The following AHSA1 variants were observed in gnomAD, a reference collection of about 807,000 sequenced individuals.
AHSA1 encodes activator of HSP90 ATPase activity 1.
AHSA1 carries 14 observed loss-of-function variants against 46.1 expected under a neutral mutation model. The ratio of observed to expected loss-of-function variants is 0.30; its 90% confidence interval spans 0.20 to 0.47. The LOEUF is 0.47. AHSA1 is among the 20% of genes least tolerant of loss of function. The pLI, the probability that AHSA1 is intolerant of heterozygous loss-of-function variation, is 0.99. For synonymous variants in AHSA1, 147 were observed against 145.8 expected (o/e 1.01, Z -0.06); for missense variants, 333 against 415.9 (o/e 0.80, Z 1.73).
At chr14:77,458,494 A>T (rs1165014908) in intron 1 of AHSA1, among the ~76,000 whole-genome samples, 1 of 152,176 alleles carries the variant, frequency 6.6e-6, no homozygotes, top group Non-Finnish European at 1.5e-5. Flanking sequence ...GCTGCGCCCC[A>T]GAGGAGGGTT....
At chr14:77,467,244 C>T (rs1344503428) in intron 6 of AHSA1, among the ~76,000 whole-genome samples, 2 of 151,564 alleles carry the variant, frequency 1.3e-5, no homozygotes, top group Non-Finnish European at 2.9e-5. Context: ...ACAAAAAATA[C>T]AAAAATTAGC....
chr14:77,462,827 C>A (rs1450671288), intron 4 of AHSA1, 68 bp downstream of exon 4: 23 of 1,328,732 alleles, frequency 1.7e-5, no homozygotes, highest in Non-Finnish European at 2.3e-5. Context: ...GGTTAAGGGC[C>A]TGGACAGTCC....
chr14:77,468,407 T>C (rs960278976), intron 7 of AHSA1, 50 bp from the exon 8 acceptor site: 15 of 1,528,556 alleles, frequency 9.8e-6, no homozygotes, highest in African/African-American at 1.4e-5. Context: ...CTAGCTAGGA[T>C]TGGGTACATT....
At chr14:77,466,638 C>T (rs1272130473) in intron 6 of AHSA1, among the ~76,000 whole-genome samples, 1 of 152,206 alleles carries the variant, frequency 6.6e-6, no homozygotes, top group Non-Finnish European at 1.5e-5. Context: ...GTTCTCTCCC[C>T]CTTAGAAAAC....
Position 77,468,098 on chromosome 14 carries a change from ACC to A in AHSA1, c.708_709del (p.His237CysfsTer26). ...TTCCCTGCAGCTGGTGCAGGCCTTT[ACC>A]CATGCTCCTGCAACATTAGAAGCAG... ...FTTQELVQAF[T>X]HAPATLEADR... On this transcript the variant is annotated frameshift_variant, in exon 7 of 9. Transcript: ENST00000216479. LOFTEE classifies it high-confidence loss of function. The A allele has an allele frequency of 7.0e-7, 1 of 1,421,612 alleles. No homozygotes were observed. Among genetic ancestry groups the A allele is most frequent in the East Asian group, 2.6e-5 (1 of 39,146 alleles). 88.1% of individuals were successfully genotyped at this position (1,421,612 alleles called of 1,614,324 possible).
chr14:77,465,465 A>G lies in AHSA1; in HGVS notation c.562-74A>G, dbSNP rs1273180562. 5 of 1,529,498 alleles carry G rather than the reference A, an allele frequency of 3.3e-6. No homozygotes were observed. In the African/African-American group the frequency reaches 4.1e-5, roughly 13 times the overall value. The allele number at this position is 1,529,498 out of a possible 1,614,324, so 94.7% of individuals were successfully genotyped here. Reference sequence around the variant, plus strand: ...CATTTTTATGAGAATGAATGGTACAACTGTCTCTGAAGCCACGTTGATTGA... The same window carrying G: ...CATTTTTATGAGAATGAATGGTACAGCTGTCTCTGAAGCCACGTTGATTGA... On this transcript the variant is annotated intron_variant, in intron 5 of 8. Coordinates refer to ENST00000216479, the MANE Select transcript of AHSA1 (RefSeq NM_012111.3).
At chr14:77,459,564 CA>C (rs1366936323) in intron 1 of AHSA1, 51 bp from the exon 2 acceptor site, 1 of 1,579,334 alleles carries the variant, frequency 6.3e-7, no homozygotes, top group Non-Finnish European at 8.7e-7. Context: ...TTGCATAGAG[CA>C]GCGTATCCTC....
At chr14:77,462,875 G>C (rs1286708651) in intron 4 of AHSA1, 116 bp downstream of exon 4, 1 of 840,056 alleles carries the variant, frequency 1.2e-6, no homozygotes, top group Non-Finnish European at 2.0e-6. Context: ...GGGGGAGGGG[G>C]CTTATTTCAT....
At chr14:77,459,366 C>T (rs2079009773) in intron 1 of AHSA1, among the ~76,000 whole-genome samples, 1 of 152,104 alleles carries the variant, frequency 6.6e-6, no homozygotes, top group Non-Finnish European at 1.5e-5. Flanking sequence ...ACCATCATGC[C>T]GAGAAAGGAG....
chr14:77,464,460 G>A, intron 4 of AHSA1, 138 bp from the exon 5 acceptor site: 1 of 706,238 alleles, frequency 1.4e-6, no homozygotes, highest in Non-Finnish European at 2.4e-6. Context: ...CAAAAGTAAA[G>A]ATGTAAAAAT....
At position 77,468,163 on chromosome 14, in the gene AHSA1, C is replaced by G; in HGVS notation, c.771C>G (p.Val257=). ...GGKFHMVDGN[V]SGEFTDLVPE... The stretch of plus-strand genomic sequence containing the variant: ...AGTTCCACATGGTAGATGGCAACGT[C>G]TCTGGGGAATTTACTGATCTGGTGA... Residue 257 remains valine (V), a synonymous_variant, in exon 7 of 9, where the codon GTC becomes GTG. Coordinates refer to ENST00000216479, the MANE Select transcript of AHSA1 (RefSeq NM_012111.3). The G allele has an allele frequency of 6.4e-7, 1 of 1,557,272 alleles. No homozygotes were observed. Among genetic ancestry groups the G allele is most frequent in the Non-Finnish European group, 8.7e-7 (1 of 1,150,032 alleles).
intron 2 of AHSA1, among the ~76,000 whole-genome samples, chr14:77,460,965 C>T (rs1361514136): frequency 6.6e-6 from 1 of 151,376 alleles, no homozygotes; most frequent in Non-Finnish European, 1.5e-5. Flanking sequence ...CAAGACCATC[C>T]TGGCTGACAC....
At chr14:77,461,028 A>G (rs532539464) in intron 2 of AHSA1, among the ~76,000 whole-genome samples, 144 of 151,880 alleles carry the variant, frequency 9.5e-4, no homozygotes, top group African/African-American at 1.8e-3. Context: ...GCGTGGTGGC[A>G]TGTGCCTGTA....
chr14:77,460,618 T>G (rs1280528103), intron 2 of AHSA1, among the ~76,000 whole-genome samples: 1 of 149,836 alleles, frequency 6.7e-6, no homozygotes, highest in East Asian at 2.0e-4. Context: ...CAGGCTGGAG[T>G]GCAGTGGCAC....
Position 77,462,775 on chromosome 14 carries a change from T to G in AHSA1, c.472+16T>G. 1 of 1,604,022 alleles carries G rather than the reference T, an allele frequency of 6.2e-7. No homozygotes were observed. Among genetic ancestry groups the G allele is most frequent in the Non-Finnish European group, 8.5e-7 (1 of 1,170,940 alleles). ...CTCAAAACAGGTATCCCTTGAGTAGTTCTGTATGCCTTAAGGAGGTAGTTT... is the reference window on the plus strand; with the variant it reads ...CTCAAAACAGGTATCCCTTGAGTAGGTCTGTATGCCTTAAGGAGGTAGTTT... On this transcript the variant is annotated intron_variant, in intron 4 of 8. Coordinates refer to ENST00000216479, the MANE Select transcript of AHSA1 (RefSeq NM_012111.3).
Position 77,462,713 on chromosome 14 carries a change from A to G in AHSA1, c.426A>G (p.Lys142=). 6.2e-7 allele frequency: 1 copy of G among 1,614,130 alleles called. No homozygotes were observed. The highest frequency in any genetic ancestry group is 8.5e-7 in the Non-Finnish European group (1 of 1,180,006). ...CCTTAATGAAGGAAGAAGGGGTGAA[A>G]CTTCTAAGAGAAGCAATGGGAATTT... ...LVALMKEEGV[K]LLREAMGIYI... is the part of the protein sequence containing the mutation. The change falls in exon 4 of 9, where the codon AAA becomes AAG. Residue 142 remains lysine (K), a synonymous_variant. Coordinates refer to ENST00000216479, the MANE Select transcript of AHSA1 (RefSeq NM_012111.3).
At chr14:77,460,911 G>C (rs554989860) in intron 2 of AHSA1, among the ~76,000 whole-genome samples, 1 of 152,008 alleles carries the variant, frequency 6.6e-6, no homozygotes, top group Non-Finnish European at 1.5e-5. Flanking sequence ...TGTAATCCCA[G>C]CACTTTGGGA....
At chr14:77,465,905 CA>C (rs1016319319) in intron 6 of AHSA1, among the ~76,000 whole-genome samples, 4 of 152,176 alleles carry the variant, frequency 2.6e-5, no homozygotes, top group African/African-American at 9.7e-5. Flanking sequence ...CAGCTCACTG[CA>C]ACCTCTGCCT....
chr14:77,469,158 C>T lies in AHSA1; in HGVS notation c.926C>T (p.Ala309Val). The T allele has an allele frequency of 6.2e-7, 1 of 1,614,226 alleles. No individual in the cohort carries two copies. The highest frequency in any genetic ancestry group is 8.5e-7 in the Non-Finnish European group (1 of 1,180,038). Residue 309 changes from alanine (A) to valine (V), a missense_variant, in exon 9 of 9, where the codon GCT becomes GTT. Physicochemically the swap from Ala to Val is moderately conservative, Grantham distance 64 (BLOSUM62 0). Coordinates refer to ENST00000216479, the MANE Select transcript of AHSA1 (RefSeq NM_012111.3). ...ELCMEGRGIP[A>V]PEEERTRQGW... ...TGCATGGAAGGTCGAGGCATCCCTG[C>T]TCCTGAGGAAGAGCGGACGCGACAG...
Sources: allele counts gnomAD v4.1 joint callset (sites outside exome capture counted in the v4.1 genomes callset), GRCh38; gene constraint gnomAD v4.1.1; transcripts MANE v1.5; gene names NCBI Gene and HGNC (gene_info 2026-07-23, HGNC 2026-07-21).